The following HDAC9 variants were observed in gnomAD, a reference collection of about 807,000 sequenced individuals.
HDAC9 encodes the protein histone deacetylase 9.
Under a neutral mutation model 139.4 loss-of-function variants are expected in HDAC9, and 41 were observed. The observed-to-expected ratio is 0.29, with a 90% confidence interval of 0.23 to 0.38. The LOEUF (loss-of-function observed/expected upper bound fraction) is 0.38. Among genes scored for constraint, HDAC9 ranks in the 10% least tolerant of loss-of-function variants. HDAC9 has a pLI of 1.00. For synonymous variants in HDAC9, 517 were observed against 476.2 expected (o/e 1.09, Z -1.12); for missense variants, 1,147 against 1,297.0 (o/e 0.88, Z 1.78).
At chr7:18,993,417 C>T (rs2129352507) in intron 25 of HDAC9, among the ~76,000 whole-genome samples, 1 of 152,282 alleles carries the variant, frequency 6.6e-6, no homozygotes, top group East Asian at 1.9e-4. Flanking sequence ...GAAAGTAAAA[C>T]AGCTGGGACT....
At chr7:18,282,406 A>G (rs1398888874) in intron 2 of HDAC9, among the ~76,000 whole-genome samples, 1 of 152,208 alleles carries the variant, frequency 6.6e-6, no homozygotes, top group Non-Finnish European at 1.5e-5. Context: ...AAATCTCAAA[A>G]TGGTGCCCAA....
intron 13 of HDAC9, among the ~76,000 whole-genome samples, chr7:18,731,846 G>C (rs1786081940): frequency 6.6e-6 from 1 of 152,016 alleles, no homozygotes; most frequent in Admixed American, 6.6e-5. Flanking sequence ...GGCTGGTCTT[G>C]AACTCCCAAC....
At chr7:18,682,271 C>A (rs368066799) in intron 12 of HDAC9, among the ~76,000 whole-genome samples, 5 of 152,012 alleles carry the variant, frequency 3.3e-5, no homozygotes, top group Middle Eastern at 3.2e-3. Flanking sequence ...TTTTTCTCTT[C>A]TAATGCTTTC....
At chr7:18,638,583 C>A (rs1237735098) in intron 8 of HDAC9, among the ~76,000 whole-genome samples, 1 of 152,050 alleles carries the variant, frequency 6.6e-6, no homozygotes, top group African/African-American at 2.4e-5. Context: ...CCTACACTAG[C>A]AGCTTTGTTT....
chr7:18,886,166 C>T (rs541863141), intron 22 of HDAC9, among the ~76,000 whole-genome samples: 1 of 152,088 alleles, frequency 6.6e-6, no homozygotes, highest in Non-Finnish European at 1.5e-5. Flanking sequence ...TTCGCTCTTA[C>T]TCTGCATTCA....
chr7:18,764,241 T>G (rs960678745), intron 15 of HDAC9, among the ~76,000 whole-genome samples: 1 of 152,164 alleles, frequency 6.6e-6, no homozygotes, highest in Non-Finnish European at 1.5e-5. Context: ...TCTAAATAAA[T>G]TAGCCATTTA....
intron 2 of HDAC9, among the ~76,000 whole-genome samples, chr7:18,224,503 T>C (rs934901650): frequency 5.3e-5 from 8 of 152,180 alleles, no homozygotes; most frequent in African/African-American, 1.7e-4. Context: ...TTAGCACAAA[T>C]TAACCTCCGC....
rs189908420 is a variant in HDAC9, at chr7:18,918,956, A to G, written c.2804-16853A>G. On this transcript the variant is annotated intron_variant, in intron 22 of 25. Transcript: ENST00000686413. The stretch of plus-strand genomic sequence containing the variant: ...GCCCAAGTTGCTTTTGTTTAGTAAT[A>G]TTACATGTTTCAGATCCCCTGTGCA... Among the ~76,000 whole-genome samples the G allele has an allele frequency of 3.3e-5, 5 of 152,162 alleles. No homozygotes were observed. The East Asian group carries it at 9.7e-4, about 29-fold the overall frequency.
intron 16 of HDAC9, among the ~76,000 whole-genome samples, chr7:18,789,766 C>T (rs117582944): frequency 6.6e-6 from 1 of 152,182 alleles, no homozygotes; most frequent in East Asian, 1.9e-4. Context: ...TTTTCTTCCC[C>T]TCCAGCTCCA....
chr7:18,938,304 G>A (rs1781790044), intron 23 of HDAC9, among the ~76,000 whole-genome samples: 1 of 146,846 alleles, frequency 6.8e-6, no homozygotes, highest in Non-Finnish European at 1.5e-5. Flanking sequence ...CTATATGAAA[G>A]TATCTCGCTG....
intron 2 of HDAC9, among the ~76,000 whole-genome samples, chr7:18,563,921 G>A (rs1181534073): frequency 6.7e-6 from 1 of 148,206 alleles, no homozygotes; most frequent in Non-Finnish European, 1.5e-5. Flanking sequence ...CTGCAACCCT[G>A]CTGTCCTAGG....
chr7:18,452,138 A>T (rs561162145), intron 1 of HDAC9, among the ~76,000 whole-genome samples: 46 of 152,150 alleles, frequency 3.0e-4, no homozygotes, highest in Non-Finnish European at 5.1e-4. Context: ...TGGGCAGATT[A>T]TCAAGATAGA....
intron 22 of HDAC9, among the ~76,000 whole-genome samples, chr7:18,914,726 T>C (rs1803038516): frequency 7.3e-6 from 1 of 137,570 alleles, no homozygotes; most frequent in Non-Finnish European, 1.7e-5. Context: ...TGGAACTTGA[T>C]GTAAAAGATG....
intron 7 of HDAC9, among the ~76,000 whole-genome samples, chr7:18,634,027 G>T (rs750821807): frequency 7.2e-5 from 11 of 151,988 alleles, no homozygotes; most frequent in Non-Finnish European, 1.5e-4. Context: ...TGGAAAATAA[G>T]TTGAGTAGAG....
At chr7:18,861,023 T>G (rs1490176555) in intron 21 of HDAC9, among the ~76,000 whole-genome samples, 1 of 152,184 alleles carries the variant, frequency 6.6e-6, no homozygotes, top group Middle Eastern at 3.2e-3. Flanking sequence ...AAGACTGATT[T>G]AGTAATGCTT....
At chr7:18,369,582 T>C (rs1417590551) in intron 1 of HDAC9, among the ~76,000 whole-genome samples, 1 of 152,118 alleles carries the variant, frequency 6.6e-6, no homozygotes, top group Non-Finnish European at 1.5e-5. Flanking sequence ...CTGGGCTTTA[T>C]TTAATGACTC....
chr7:18,614,028 A>G (rs538793498), intron 6 of HDAC9, among the ~76,000 whole-genome samples: 46 of 152,070 alleles, frequency 3.0e-4, no homozygotes, highest in African/African-American at 9.4e-4. Context: ...TTCTATTTCA[A>G]TTGTCACCAT....
At chr7:18,930,096 C>T (rs142461599) in intron 22 of HDAC9, among the ~76,000 whole-genome samples, 80 of 152,138 alleles carry the variant, frequency 5.3e-4, no homozygotes, top group African/African-American at 1.6e-3. Context: ...GTGGCTGCTC[C>T]GAGGCATCCA....
At chr7:18,916,788 G>C (rs1040436483) in intron 22 of HDAC9, among the ~76,000 whole-genome samples, 82 of 152,138 alleles carry the variant, frequency 5.4e-4, no homozygotes, top group African/African-American at 1.8e-3. Flanking sequence ...CAGGAGTAAA[G>C]GACTTGCTGG....
Sources: allele counts gnomAD v4.1 joint callset (sites outside exome capture counted in the v4.1 genomes callset), GRCh38; gene constraint gnomAD v4.1.1; transcripts MANE v1.5; gene names NCBI Gene and HGNC (gene_info 2026-07-23, HGNC 2026-07-21).